Variants in HYCC2 observed in about 807,000 individuals in gnomAD.
HYCC2 encodes hyccin PI4KA lipid kinase complex subunit 2.
chr2:201,001,417 A>G, the HYCC2 span, among the ~76,000 whole-genome samples: 2 of 152,244 alleles, frequency 1.3e-5, no homozygotes. Flanking sequence ...CAGCCAAAAA[A>G]GAAAAAATAG....
chr2:201,028,867 G>T, the HYCC2 span, among the ~76,000 whole-genome samples: 1 of 152,138 alleles, frequency 6.6e-6, no homozygotes, highest in Non-Finnish European at 1.5e-5. Context: ...AACCCTAGAA[G>T]AAAACCTAGG....
the HYCC2 span, among the ~76,000 whole-genome samples, chr2:201,006,295 ATT>A: frequency 8.9e-5 from 12 of 134,730 alleles, no homozygotes; most frequent in Non-Finnish European, 1.3e-4. Flanking sequence ...CGCCTGGTTA[ATT>A]TTTTTTTTTT....
At chr2:201,013,366 A>G in the HYCC2 span, among the ~76,000 whole-genome samples, 1 of 151,928 alleles carries the variant, frequency 6.6e-6, no homozygotes, top group Non-Finnish European at 1.5e-5. Context: ...GCTACTTGGG[A>G]GGCTAAGGCA....
the HYCC2 span, chr2:201,023,081 G>A: frequency 1.8e-6 from 1 of 549,364 alleles, no homozygotes; most frequent in East Asian, 3.3e-5. Flanking sequence ...GGGCACAGTG[G>A]CTCACGTCTG....
chr2:200,987,486 G>C, the HYCC2 span: 2 of 1,289,658 alleles, frequency 1.6e-6, no homozygotes, highest in Admixed American at 4.6e-5. Context: ...GTTGGATCGG[G>C]GAGCCAGGAA....
At chr2:201,012,676 G>A in the HYCC2 span, among the ~76,000 whole-genome samples, 3 of 152,094 alleles carry the variant, frequency 2.0e-5, no homozygotes, top group African/African-American at 7.2e-5. Flanking sequence ...CAGGCGTGGT[G>A]GCTCACGCCT....
the HYCC2 span, chr2:200,992,207 T>C: frequency 1.1e-6 from 1 of 914,686 alleles, no homozygotes; most frequent in Non-Finnish European, 1.8e-6. Context: ...ATTATTTGGA[T>C]TGTCTTACAT....
At chr2:201,029,110 G>GA in the HYCC2 span, among the ~76,000 whole-genome samples, 3 of 152,044 alleles carry the variant, frequency 2.0e-5, no homozygotes, top group Middle Eastern at 3.2e-3. Context: ...AGATTTACAA[G>GA]AAAAAATCAA....
the HYCC2 span, among the ~76,000 whole-genome samples, chr2:200,989,923 G>C: frequency 6.6e-6 from 1 of 151,568 alleles, no homozygotes; most frequent in African/African-American, 2.4e-5. Context: ...ATTACAAAAA[G>C]CTTAGGAAAT....
the HYCC2 span, among the ~76,000 whole-genome samples, chr2:200,990,786 T>G: frequency 6.6e-6 from 1 of 152,196 alleles, no homozygotes; most frequent in African/African-American, 2.4e-5. Flanking sequence ...TTGGACAGTC[T>G]GGTCTTGAAC....
At chr2:200,981,862 C>A in the HYCC2 span, 1 of 1,598,078 alleles carries the variant, frequency 6.3e-7, no homozygotes, top group Admixed American at 1.7e-5. This position sits in a 1 kb window ranked among gnomAD's most constrained non-coding sequence, Gnocchi z 4.5. Flanking sequence ...TCCATTTACA[C>A]CCTCAGCACC....
chr2:201,033,018 C>G, the HYCC2 span, among the ~76,000 whole-genome samples: 1 of 151,364 alleles, frequency 6.6e-6, no homozygotes, highest in Non-Finnish European at 1.5e-5. Flanking sequence ...AACTACAAGG[C>G]ATTTGTTTTT....
chr2:201,033,192 TGTGTGAGA>T, the HYCC2 span, among the ~76,000 whole-genome samples: 15 of 131,816 alleles, frequency 1.1e-4, no homozygotes, highest in African/African-American at 4.1e-4. Flanking sequence ...TGTGTGTGTG[TGTGTGAGA>T]GAGAGAGAGA....
At chr2:201,003,216 C>A in the HYCC2 span, among the ~76,000 whole-genome samples, 1 of 152,148 alleles carries the variant, frequency 6.6e-6, no homozygotes, top group Non-Finnish European at 1.5e-5. Flanking sequence ...GCATGTATCA[C>A]CACACTCAGC....
the HYCC2 span, among the ~76,000 whole-genome samples, chr2:201,017,526 A>G: frequency 6.6e-6 from 1 of 152,222 alleles, no homozygotes; most frequent in African/African-American, 2.4e-5. Flanking sequence ...CCATTGAAAT[A>G]AAATAATTTT....
the HYCC2 span, among the ~76,000 whole-genome samples, chr2:200,993,223 C>A: frequency 6.6e-6 from 1 of 152,158 alleles, no homozygotes; most frequent in Non-Finnish European, 1.5e-5. Flanking sequence ...ATAAAGCACT[C>A]ATTCTAGTGG....
the HYCC2 span, among the ~76,000 whole-genome samples, chr2:201,006,293 T>A: frequency 6.9e-6 from 1 of 145,698 alleles, no homozygotes; most frequent in South Asian, 2.1e-4. Flanking sequence ...CACGCCTGGT[T>A]AATTTTTTTT....
the HYCC2 span, among the ~76,000 whole-genome samples, chr2:201,000,559 A>G: frequency 1.3e-5 from 2 of 152,164 alleles, no homozygotes; most frequent in Non-Finnish European, 2.9e-5. Flanking sequence ...CTACAATAAA[A>G]AAGATGGAAA....
the HYCC2 span, among the ~76,000 whole-genome samples, chr2:201,033,345 T>C: frequency 2.0e-5 from 3 of 151,908 alleles, no homozygotes; most frequent in Admixed American, 6.6e-5. Context: ...GCTGGTACTA[T>C]AGGCATGTGC....
Sources: gnomAD v4.1 joint callset for allele counts (sites outside exome capture counted in the v4.1 genomes callset) on GRCh38, gnomAD v4.1.1 for gene constraint, Gnocchi (gnomAD v3.1) non-coding constraint, MANE v1.5 for transcripts, NCBI Gene and HGNC (gene_info 2026-07-23, HGNC 2026-07-21) for gene names.